PAK3: variants seen among roughly 807,000 people sequenced by gnomAD.
PAK3 encodes the protein serine/threonine-protein kinase PAK 3.
Under a neutral mutation model 41.0 loss-of-function variants are expected in PAK3, and 4 were observed. The ratio of observed to expected loss-of-function variants is 0.10; its 90% CI spans 0.05 to 0.22. The LOEUF (loss-of-function observed/expected upper bound fraction) is 0.22, where lower values mean the gene tolerates loss of function less well. Ranked by LOEUF, PAK3 falls within the 10% of genes least tolerant of loss-of-function variation. PAK3 has a pLI of 1.00. For missense variants in PAK3, 205 were observed against 409.9 expected, an observed-to-expected ratio of 0.50 and a Z score of 4.32; for synonymous variants, 146 against 139.6, an observed-to-expected ratio of 1.05 and a Z score of -0.32.
intron 1 of PAK3, among the ~76,000 whole-genome samples, chrX:111,052,436 GT>G (rs771693214): frequency 3.6e-5 from 4 of 112,653 alleles, no homozygotes; most frequent in Non-Finnish European, 5.6e-5. Context: ...ACCTCGTGGT[GT>G]TAATAATAAT....
rs866893692 is a variant in PAK3 at position 111,221,771 on chromosome X, T to C, written c.*1324T>C. On this transcript the variant is annotated 3_prime_UTR_variant, in exon 18 of 18. Coordinates refer to ENST00000372007, the MANE Select transcript of PAK3 (RefSeq NM_002578.5). ...CACCTATTTCTGTTTCGGAATATGG[T>C]GTGTTCATGCTTAGTTCTTTGGGCT... The C allele has an allele frequency of 1.8e-5, 2 of 111,630 alleles. No homozygotes were observed. Among genetic ancestry groups the C allele is most frequent in the African/African-American group, 6.5e-5 (2 of 30,722 alleles). 9.2% of individuals were successfully genotyped at this position (111,630 alleles called of 1,213,427 possible).
intron 3 of PAK3, among the ~76,000 whole-genome samples, chrX:111,101,003 A>G (rs1389976060): frequency 8.9e-6 from 1 of 112,363 alleles, no homozygotes; most frequent in African/African-American, 3.2e-5. Flanking sequence ...AATACGAATT[A>G]GACACATTGC....
intron 1 of PAK3, among the ~76,000 whole-genome samples, chrX:111,084,489 T>C (rs2092862726): frequency 2.7e-5 from 3 of 112,873 alleles, no homozygotes; most frequent in Non-Finnish European, 3.7e-5. Context: ...GGTTTAAACA[T>C]GGGTTGCTTA....
intron 1 of PAK3, among the ~76,000 whole-genome samples, chrX:111,078,142 C>A (rs1206677276): frequency 4.5e-5 from 5 of 111,446 alleles, no homozygotes; most frequent in African/African-American, 1.6e-4. Context: ...TGACTATTAT[C>A]AAAAATATGG....
Position 111,028,840 on chromosome X carries a change from AAC to A in PAK3, c.-28+84216_-28+84217del, listed in dbSNP as rs1656104874. 2.7e-5 allele frequency among the ~76,000 whole-genome samples: 3 copies of A among 111,936 alleles called. No homozygotes were observed. In the East Asian group the frequency reaches 8.5e-4, roughly 32 times the overall value. The stretch of plus-strand genomic sequence containing the variant: ...AGGAAGTTCACTGTGTTGCCTCTAA[AAC>A]ACAGTCTCAGCTGGGCACAGTGGCT... On this transcript the variant is annotated intron_variant, in intron 1 of 14. Coordinates refer to the PAK3 transcript ENST00000425146.
intron 5 of PAK3, among the ~76,000 whole-genome samples, chrX:111,135,109 G>C (rs1178284854): frequency 9.0e-6 from 1 of 110,796 alleles, no homozygotes; most frequent in Non-Finnish European, 1.9e-5. Flanking sequence ...CAGGTTGTTG[G>C]AGTCATACAG....
chrX:111,031,322 T>TG (rs747149321), intron 1 of PAK3, among the ~76,000 whole-genome samples: 17 of 111,372 alleles, frequency 1.5e-4, no homozygotes, highest in Middle Eastern at 4.7e-3. Context: ...AAAGAGGTAC[T>TG]GGGAATCCCT....
At chrX:111,059,400 G>A (rs1447102145) in intron 1 of PAK3, among the ~76,000 whole-genome samples, 1 of 110,696 alleles carries the variant, frequency 9.0e-6, no homozygotes, top group Admixed American at 9.6e-5. Flanking sequence ...TTGAACTCCT[G>A]GCCTCAAGTG....
chrX:111,025,144 A>C (rs190448604), intron 1 of PAK3, among the ~76,000 whole-genome samples: 1 of 111,290 alleles, frequency 9.0e-6, no homozygotes, highest in Admixed American at 9.6e-5. Flanking sequence ...GGAATACAGC[A>C]AAAAGCAGTG....
At chrX:111,158,700 C>T (rs944298039) in intron 8 of PAK3, among the ~76,000 whole-genome samples, 4 of 112,140 alleles carry the variant, frequency 3.6e-5, no homozygotes, top group Non-Finnish European at 7.5e-5. Flanking sequence ...TTTTCTTTTC[C>T]CACAAACCTT....
intron 4 of PAK3, among the ~76,000 whole-genome samples, chrX:111,116,675 C>T (rs2093470089): frequency 8.9e-6 from 1 of 111,997 alleles, no homozygotes; most frequent in Non-Finnish European, 1.9e-5. Flanking sequence ...ATGTCAAGTT[C>T]CTGCTGAAAA....
chrX:110,986,709 T>C (rs2091550164), intron 1 of PAK3, among the ~76,000 whole-genome samples: 1 of 110,879 alleles, frequency 9.0e-6, no homozygotes, highest in Non-Finnish European at 1.9e-5. Flanking sequence ...ATAGGGAGAC[T>C]GAGGCCAAAA....
chrX:110,996,040 G>T (rs2210994), intron 1 of PAK3, among the ~76,000 whole-genome samples: 12 of 111,632 alleles, frequency 1.1e-4, no homozygotes, highest in Non-Finnish European at 2.1e-4. Flanking sequence ...TCTCAGGCTT[G>T]CTTCAAATTG....
chrX:111,136,167 G>A (rs940061664), intron 5 of PAK3, among the ~76,000 whole-genome samples: 6 of 112,037 alleles, frequency 5.4e-5, no homozygotes, highest in Admixed American at 9.4e-5. Flanking sequence ...CTGAAAGTAA[G>A]GGAGGAGGGG....
At chrX:111,077,008 A>G (rs1262139082) in intron 1 of PAK3, among the ~76,000 whole-genome samples, 1 of 111,626 alleles carries the variant, frequency 9.0e-6, no homozygotes, top group African/African-American at 3.3e-5. Flanking sequence ...TACACTAATA[A>G]TGAACTATCC....
At chrX:111,050,836 A>G (rs1443920788) in intron 1 of PAK3, among the ~76,000 whole-genome samples, 1 of 112,530 alleles carries the variant, frequency 8.9e-6, no homozygotes, top group East Asian at 2.8e-4. Context: ...GTCCCTAATG[A>G]GGGCAAGACA....
intron 1 of PAK3, among the ~76,000 whole-genome samples, chrX:111,078,306 A>G (rs1320849219): frequency 9.2e-6 from 1 of 108,708 alleles, no homozygotes; most frequent in African/African-American, 3.3e-5. Context: ...GTTTGTGGCA[A>G]CACTGCATAC....
At chrX:111,029,562 A>C (rs1395279344) in intron 1 of PAK3, among the ~76,000 whole-genome samples, 2 of 111,844 alleles carry the variant, frequency 1.8e-5, no homozygotes, top group African/African-American at 6.5e-5. Flanking sequence ...GGAAGAGAAA[A>C]TACTTTTACT....
intron 1 of PAK3, among the ~76,000 whole-genome samples, chrX:110,950,286 A>G (rs1209993252): frequency 3.6e-5 from 4 of 112,418 alleles, no homozygotes; most frequent in African/African-American, 1.3e-4. Flanking sequence ...ATGAATATTC[A>G]CATAAATACA....
Sources: gnomAD v4.1 joint callset for allele counts (sites outside exome capture counted in the v4.1 genomes callset) on GRCh38, gnomAD v4.1.1 for gene constraint, MANE v1.5 for transcripts, NCBI Gene and HGNC (gene_info 2026-07-23, HGNC 2026-07-21) for gene names.